The following CNTN5 variants were observed in gnomAD, a reference collection of about 807,000 sequenced individuals.
CNTN5 encodes contactin-5.
A neutral mutation model predicts 129.1 loss-of-function variants in CNTN5; 77 were observed. That is an observed-to-expected ratio of 0.60 (90% CI 0.50 to 0.72). The LOEUF (loss-of-function observed/expected upper bound fraction) is 0.72. Ranked by LOEUF, CNTN5 falls within the 30% of genes least tolerant of loss-of-function variation. The pLI is 0.00. For missense variants in CNTN5, 1,478 were observed against 1,328.8 expected, an observed-to-expected ratio of 1.11 and a Z score of -1.75; for synonymous variants, 509 against 465.6, an observed-to-expected ratio of 1.09 and a Z score of -1.20.
chr11:100,100,808 A>T (rs1945194353), intron 13 of CNTN5, among the ~76,000 whole-genome samples: 1 of 152,142 alleles, frequency 6.6e-6, no homozygotes, highest in Admixed American at 6.6e-5. Context: ...AGGTAAGAAG[A>T]GGAAATGCCC....
intron 13 of CNTN5, among the ~76,000 whole-genome samples, chr11:100,076,511 T>C (rs1944131700): frequency 6.6e-6 from 1 of 151,950 alleles, no homozygotes; most frequent in South Asian, 2.1e-4. Context: ...AAAAATACAG[T>C]TTGTGAATTT....
intron 2 of CNTN5, among the ~76,000 whole-genome samples, chr11:99,351,177 A>T (rs2136082181): frequency 6.6e-6 from 1 of 152,350 alleles, no homozygotes; most frequent in Non-Finnish European, 1.5e-5. Flanking sequence ...TAATAAAAAA[A>T]GGTCCATTTA....
In CNTN5 at chr11:99,745,498, T is replaced by C. The variant is rs145861824; in HGVS notation, c.56-74046T>C. ...CATGCTCAGCTAATGAGTTTTTTGC[T>C]CTGCCAGCTTATATGGCAGCCTTGT... On this transcript the variant is annotated intron_variant, in intron 3 of 24. Coordinates refer to ENST00000524871, the MANE Select transcript of CNTN5 (RefSeq NM_014361.4). Among the ~76,000 whole-genome samples, 759 of 137,158 alleles carry C rather than the reference T, an allele frequency of 5.5e-3. 6 individuals carry two copies. The highest frequency in any genetic ancestry group is 0.02 in the African/African-American group (736 of 36,456). The allele number at this position is 137,158 out of a possible 152,430, so 90.0% of individuals were successfully genotyped here.
chr11:100,230,142 C>G (rs1486907094), intron 16 of CNTN5, among the ~76,000 whole-genome samples: 1 of 152,068 alleles, frequency 6.6e-6, no homozygotes, highest in Non-Finnish European at 1.5e-5. Flanking sequence ...ATTTATTCAG[C>G]TAACATAATT....
At chr11:99,813,910 C>A (rs950731467) in intron 3 of CNTN5, among the ~76,000 whole-genome samples, 2 of 151,912 alleles carry the variant, frequency 1.3e-5, no homozygotes, top group African/African-American at 4.8e-5. Flanking sequence ...AGCAAGAGAT[C>A]TTATAAAAGT....
chr11:100,030,789 T>G (rs938937544), intron 9 of CNTN5, among the ~76,000 whole-genome samples: 2 of 152,208 alleles, frequency 1.3e-5, no homozygotes, highest in Non-Finnish European at 2.9e-5. Context: ...CTGTGAAAAT[T>G]AAATGATATA....
intron 21 of CNTN5, among the ~76,000 whole-genome samples, chr11:100,319,525 T>C (rs1951642390): frequency 6.6e-6 from 1 of 152,236 alleles, no homozygotes. Context: ...ATATACATCA[T>C]ACAATGACTA....
intron 1 of CNTN5, among the ~76,000 whole-genome samples, chr11:99,215,491 A>G (rs1442940810): frequency 1.3e-5 from 2 of 152,168 alleles, no homozygotes; most frequent in African/African-American, 4.8e-5. Context: ...AAAGGACTCG[A>G]TAAGGACTCC....
At chr11:99,889,172 T>C (rs1005094272) in intron 6 of CNTN5, among the ~76,000 whole-genome samples, 14 of 152,150 alleles carry the variant, frequency 9.2e-5, no homozygotes, top group African/African-American at 3.4e-4. Flanking sequence ...TAAAATGTCA[T>C]ACAAACATAC....
At chr11:99,250,647 T>G (rs999026647) in intron 1 of CNTN5, among the ~76,000 whole-genome samples, 1 of 151,956 alleles carries the variant, frequency 6.6e-6, no homozygotes, top group Non-Finnish European at 1.5e-5. Context: ...ATTCACATTT[T>G]TCTTGTAGTT....
chr11:99,432,460 C>CCT, intron 2 of CNTN5, among the ~76,000 whole-genome samples: 1 of 113,682 alleles, frequency 8.8e-6, no homozygotes, highest in Non-Finnish European at 2.0e-5. Context: ...CTTTTCTTTT[C>CCT]TTTCCTTTTC....
At chr11:99,118,325 C>A (rs1462209374) in intron 1 of CNTN5, among the ~76,000 whole-genome samples, 1 of 151,874 alleles carries the variant, frequency 6.6e-6, no homozygotes. Flanking sequence ...TTGATGATTA[C>A]TAATAATGTT....
intron 6 of CNTN5, among the ~76,000 whole-genome samples, chr11:99,911,136 G>C (rs1029750515): frequency 6.6e-6 from 1 of 151,988 alleles, no homozygotes; most frequent in African/African-American, 2.4e-5. Context: ...CTGACACTTA[G>C]TCTAATATAA....
At chr11:99,241,634 C>T (rs927687005) in intron 1 of CNTN5, among the ~76,000 whole-genome samples, 7 of 152,000 alleles carry the variant, frequency 4.6e-5, no homozygotes, top group African/African-American at 1.7e-4. Context: ...TTTTTAAAAT[C>T]AGTTTTCATT....
intron 1 of CNTN5, among the ~76,000 whole-genome samples, chr11:99,031,938 C>G (rs1863407301): frequency 7.7e-6 from 1 of 130,050 alleles, no homozygotes; most frequent in Non-Finnish European, 1.6e-5. Flanking sequence ...CACAACAGTC[C>G]CCAGAGTGTG....
At chr11:99,753,006 C>G (rs1239352632) in intron 3 of CNTN5, among the ~76,000 whole-genome samples, 2 of 149,338 alleles carry the variant, frequency 1.3e-5, no homozygotes, top group East Asian at 4.0e-4. Flanking sequence ...TAGGAAGGCA[C>G]AAACTATAAA....
At chr11:99,602,806 C>G (rs1293325737) in intron 3 of CNTN5, among the ~76,000 whole-genome samples, 1 of 146,940 alleles carries the variant, frequency 6.8e-6, no homozygotes, top group African/African-American at 2.5e-5. Context: ...CCCCGAGCAG[C>G]CTAACTGGGA....
At chr11:99,336,261 A>G (rs2136040985) in intron 2 of CNTN5, among the ~76,000 whole-genome samples, 1 of 152,290 alleles carries the variant, frequency 6.6e-6, no homozygotes, top group South Asian at 2.1e-4. Context: ...TGATGAGCTT[A>G]TAGCTTGGAT....
At chr11:99,081,246 CT>C (rs2135282725) in intron 1 of CNTN5, among the ~76,000 whole-genome samples, 1 of 152,060 alleles carries the variant, frequency 6.6e-6, no homozygotes, top group Non-Finnish European at 1.5e-5. Flanking sequence ...TTTTTGCAGC[CT>C]CTTCGATATG....
Sources: gnomAD v4.1 joint callset for allele counts (sites outside exome capture counted in the v4.1 genomes callset) on GRCh38, gnomAD v4.1.1 for gene constraint, MANE v1.5 for transcripts, NCBI Gene and HGNC (gene_info 2026-07-23, HGNC 2026-07-21) for gene names.